The following DTNBP1 variants were observed in gnomAD, a reference collection of about 807,000 sequenced individuals.
DTNBP1 encodes dysbindin.
Under a neutral mutation model 42.8 loss-of-function variants are expected in DTNBP1, and 35 were observed. That is an observed-to-expected ratio of 0.82 (90% confidence interval 0.63 to 1.09). The LOEUF is 1.09. DTNBP1 is among the 50% of genes least tolerant of loss of function. The probability of loss-of-function intolerance (pLI) is 0.00; values close to 1 mark genes in which losing one functional copy is unlikely to be tolerated. For synonymous variants in DTNBP1, 171 were observed against 162.2 expected (o/e 1.05, Z -0.41); for missense variants, 457 against 424.2 (o/e 1.08, Z -0.68).
At chr6:15,646,326 A>G (rs1204076138) in intron 3 of DTNBP1, among the ~76,000 whole-genome samples, 1 of 151,566 alleles carries the variant, frequency 6.6e-6, no homozygotes, top group Admixed American at 6.6e-5. Context: ...GAAGTGAAAG[A>G]TCTCTACAAA....
chr6:15,639,161 C>T (rs543335568), intron 3 of DTNBP1, among the ~76,000 whole-genome samples: 2 of 152,290 alleles, frequency 1.3e-5, no homozygotes, highest in African/African-American at 4.8e-5. Context: ...TTGATGGAAT[C>T]TGAATAAGGC....
intron 9 of DTNBP1, 81 bp from the exon 10 acceptor site, chr6:15,523,300 G>A: frequency 6.4e-7 from 1 of 1,574,014 alleles, no homozygotes; most frequent in East Asian, 2.2e-5. Flanking sequence ...TGTGGAATGT[G>A]CCCGTCATGA....
chr6:15,645,807 T>C (rs1474100606), intron 3 of DTNBP1, among the ~76,000 whole-genome samples: 1 of 152,066 alleles, frequency 6.6e-6, no homozygotes, highest in Non-Finnish European at 1.5e-5. Flanking sequence ...AAGAGCCATA[T>C]ATGACAAACC....
At chr6:15,650,594 T>C (rs1056799095) in intron 3 of DTNBP1, among the ~76,000 whole-genome samples, 1 of 152,210 alleles carries the variant, frequency 6.6e-6, no homozygotes, top group Non-Finnish European at 1.5e-5. Flanking sequence ...ATTGTGGTTT[T>C]GATTTGCGTT....
chr6:15,553,440 A>C (rs927359521), intron 7 of DTNBP1, among the ~76,000 whole-genome samples: 2 of 151,906 alleles, frequency 1.3e-5, no homozygotes, highest in East Asian at 3.9e-4. Flanking sequence ...ACAGCATTCC[A>C]GAGAGATGGT....
At chr6:15,585,871 G>A in intron 7 of DTNBP1, 1 of 1,422,486 alleles carries the variant, frequency 7.0e-7, no homozygotes, top group African/African-American at 1.4e-5. Flanking sequence ...AACAAAGGAA[G>A]TGAGGCTGAA....
At chr6:15,563,735 T>C (rs1476445253) in intron 7 of DTNBP1, among the ~76,000 whole-genome samples, 3 of 152,190 alleles carry the variant, frequency 2.0e-5, no homozygotes, top group African/African-American at 7.2e-5. Flanking sequence ...CAATGATCCC[T>C]ACACTCGGTC....
rs372079865 is a variant in DTNBP1, at chr6:15,601,889, A to G, written c.489-8808T>C. On this transcript the variant is annotated intron_variant, in intron 6 of 9. Coordinates refer to ENST00000344537, the MANE Select transcript of DTNBP1 (RefSeq NM_032122.5). ...GAAAAAAAAAAAAAGGGTCCTAAAC[A>G]GAACATAACATGAAACTTCCAGAGA... Among the ~76,000 whole-genome samples the G allele has an allele frequency of 2.2e-4, 33 of 151,584 alleles. No individual in the cohort carries two copies. In the East Asian group the frequency reaches 2.7e-3, roughly 12 times the overall value.
intron 7 of DTNBP1, among the ~76,000 whole-genome samples, chr6:15,576,589 A>C (rs1470995929): frequency 6.6e-6 from 1 of 151,934 alleles, no homozygotes; most frequent in Non-Finnish European, 1.5e-5. Flanking sequence ...TAGCCTGGCC[A>C]AAGTGGCAAA....
intron 7 of DTNBP1, among the ~76,000 whole-genome samples, chr6:15,568,418 T>C (rs1321410487): frequency 1.3e-5 from 2 of 152,228 alleles, no homozygotes; most frequent in Non-Finnish European, 2.9e-5. Context: ...ATTAAATAAA[T>C]GTGTGTGCTT....
chr6:15,604,586 G>C (rs978390963), intron 6 of DTNBP1, among the ~76,000 whole-genome samples: 3 of 152,122 alleles, frequency 2.0e-5, no homozygotes, highest in Non-Finnish European at 2.9e-5. Flanking sequence ...TGGCAGGTGA[G>C]CTTGAACACT....
intron 4 of DTNBP1, 80 bp from the exon 5 acceptor site, chr6:15,627,555 T>C (rs889714722): frequency 2.5e-5 from 39 of 1,584,646 alleles, no homozygotes; most frequent in Non-Finnish European, 3.1e-5. Flanking sequence ...TGAGATTTAA[T>C]GTTATCTTTA....
intron 8 of DTNBP1, among the ~76,000 whole-genome samples, chr6:15,529,927 G>A (rs1252304625): frequency 6.6e-6 from 1 of 152,238 alleles, no homozygotes; most frequent in African/African-American, 2.4e-5. Context: ...CAGCCCTCCC[G>A]GCACCGCCTT....
chr6:15,644,329 A>C (rs573499040), intron 3 of DTNBP1, among the ~76,000 whole-genome samples: 132 of 152,158 alleles, frequency 8.7e-4, no homozygotes, highest in Non-Finnish European at 3.2e-4. Flanking sequence ...ATAGCCATAA[A>C]ATAACAGTGG....
chr6:15,602,632 A>G (rs554416838), intron 6 of DTNBP1, among the ~76,000 whole-genome samples: 1 of 152,362 alleles, frequency 6.6e-6, no homozygotes, highest in Non-Finnish European at 1.5e-5. Context: ...TAAAACACTG[A>G]AAGTTATTAC....
At chr6:15,564,412 T>A (rs566514643) in intron 7 of DTNBP1, among the ~76,000 whole-genome samples, 2 of 152,176 alleles carry the variant, frequency 1.3e-5, no homozygotes, top group Non-Finnish European at 2.9e-5. Context: ...CCTTTCTTTT[T>A]TTTTGATTTT....
intron 3 of DTNBP1, among the ~76,000 whole-genome samples, chr6:15,645,219 A>C (rs746146620): frequency 5.6e-4 from 85 of 152,130 alleles, no homozygotes; most frequent in Non-Finnish European, 1.0e-3. Flanking sequence ...CACCTTCCAG[A>C]CTGAACCAGA....
intron 6 of DTNBP1, among the ~76,000 whole-genome samples, chr6:15,600,159 G>T (rs565039671): frequency 3.9e-5 from 6 of 152,024 alleles, no homozygotes; most frequent in African/African-American, 1.4e-4. Context: ...GTCCATACAC[G>T]CAGAGAAGCA....
chr6:15,554,650 T>G (rs1038594975), intron 7 of DTNBP1, among the ~76,000 whole-genome samples: 1 of 152,158 alleles, frequency 6.6e-6, no homozygotes, highest in Non-Finnish European at 1.5e-5. Context: ...GGTGGCCACA[T>G]GTACATATTC....
Sources: allele counts gnomAD v4.1 joint callset (sites outside exome capture counted in the v4.1 genomes callset), GRCh38; gene constraint gnomAD v4.1.1; transcripts MANE v1.5; gene names NCBI Gene and HGNC (gene_info 2026-07-23, HGNC 2026-07-21).